Variants in RELN observed in about 807,000 individuals in gnomAD.
The protein encoded by RELN is reelin.
A neutral mutation model predicts 427.6 loss-of-function variants in RELN; 108 were observed. The observed-to-expected ratio is 0.25, with a 90% CI of 0.22 to 0.30. The LOEUF (loss-of-function observed/expected upper bound fraction) is 0.30, where lower values mean the gene tolerates loss of function less well. Among genes scored for constraint, RELN ranks in the 10% least tolerant of loss-of-function variants. RELN has a pLI of 1.00. For synonymous variants in RELN, 1,524 were observed against 1,513.4 expected (o/e 1.01, Z -0.16); for missense variants, 3,715 against 4,302.8 (o/e 0.86, Z 3.82).
In RELN at chr7:103,630,022, T is replaced by C. The variant is rs779204753; in HGVS notation, c.2620A>G (p.Thr874Ala). Residue 874 changes from threonine (T) to alanine (A), a missense_variant, in exon 20 of 65, where the codon ACC becomes GCC. Thr to Ala is a moderately conservative substitution (Grantham distance 58). Around this residue, in one of 4 missense-constraint regions of RELN, gnomAD observed 2,208 missense variants for 2,361.7 expected, o/e 0.93. Transcript: ENST00000428762. The stretch of plus-strand genomic sequence containing the variant: ...GACTGAGTGACCTCCACAAGATTGG[T>C]AAAGTCAAGACTAATGCTGTTGAAA... ...VLFNSISLDF[T>A]NLVEVTQSLG... is the part of the protein sequence containing the mutation. 1.9e-6 allele frequency: 3 copies of C among 1,613,882 alleles called. No homozygotes were observed. The highest frequency in any genetic ancestry group is 1.6e-4 in the Middle Eastern group (1 of 6,062).
intron 8 of RELN, among the ~76,000 whole-genome samples, chr7:103,707,749 A>G (rs73410860): frequency 0.26 from 39,843 of 151,976 alleles, 7,490 homozygotes; most frequent in African/African-American, 0.53. Flanking sequence ...CACCCACCTC[A>G]GCCTCCCAAA....
chr7:103,917,754 T>C (rs1795518903), intron 1 of RELN, among the ~76,000 whole-genome samples: 2 of 152,120 alleles, frequency 1.3e-5, no homozygotes, highest in Non-Finnish European at 2.9e-5. Flanking sequence ...GATCACTGCA[T>C]GCTTTAAGTT....
chr7:103,589,408 G>A (rs1584322383), intron 28 of RELN, among the ~76,000 whole-genome samples, 188 bp downstream of exon 28: 1 of 152,156 alleles, frequency 6.6e-6, no homozygotes, highest in East Asian at 1.9e-4. Flanking sequence ...CCTATGAAGT[G>A]TTCTGTCATG....
intron 36 of RELN, among the ~76,000 whole-genome samples, chr7:103,558,305 A>T (rs777725630): frequency 3.3e-5 from 5 of 152,162 alleles, no homozygotes; most frequent in Non-Finnish European, 2.9e-5. Context: ...TCTTCTAAAA[A>T]GCGGTGCAAA....
At chr7:103,913,267 G>A (rs1215942272) in intron 2 of RELN, among the ~76,000 whole-genome samples, 2 of 152,128 alleles carry the variant, frequency 1.3e-5, no homozygotes, top group Non-Finnish European at 2.9e-5. Context: ...TAACTTTAGT[G>A]TAATTAGTAC....
At chr7:103,946,345 C>A (rs113341798) in intron 1 of RELN, among the ~76,000 whole-genome samples, 3 of 152,018 alleles carry the variant, frequency 2.0e-5, no homozygotes, top group Non-Finnish European at 2.9e-5. Context: ...AACAGATAAA[C>A]CTTTAATTTT....
At chr7:103,837,475 A>C (rs770327017) in intron 2 of RELN, among the ~76,000 whole-genome samples, 1 of 152,208 alleles carries the variant, frequency 6.6e-6, no homozygotes, top group Non-Finnish European at 1.5e-5. Context: ...CTTTCAATAC[A>C]GCAGGCCCCA....
intron 3 of RELN, among the ~76,000 whole-genome samples, chr7:103,825,189 TAAGG>T (rs2116383506): frequency 6.6e-6 from 1 of 152,196 alleles, no homozygotes; most frequent in East Asian, 1.9e-4. Flanking sequence ...TTTTCATGCG[TAAGG>T]GCACATTTGA....
chr7:103,873,153 C>A (rs1006490753), intron 2 of RELN, among the ~76,000 whole-genome samples: 1 of 150,312 alleles, frequency 6.7e-6, no homozygotes, highest in Non-Finnish European at 1.5e-5. Flanking sequence ...TTCTTTGAAA[C>A]CAACGAGAAC....
At chr7:103,752,891 G>C (rs1476821836) in intron 5 of RELN, among the ~76,000 whole-genome samples, 1 of 152,024 alleles carries the variant, frequency 6.6e-6, no homozygotes, top group African/African-American at 2.4e-5. Context: ...GAGGGACTCT[G>C]GGGAAAATTA....
At chr7:103,765,670 G>A (rs1316900532) in intron 4 of RELN, among the ~76,000 whole-genome samples, 1 of 152,156 alleles carries the variant, frequency 6.6e-6, no homozygotes, top group African/African-American at 2.4e-5. Context: ...CCAAGTGATT[G>A]TATAGATCCA....
At position 103,854,402 on chromosome 7, in the gene RELN, C is replaced by A. The variant is rs184096500; in HGVS notation, c.338-20730G>T. Among the ~76,000 whole-genome samples, 208 of 152,284 alleles carry A rather than the reference C, an allele frequency of 1.4e-3. 1 individual carries two copies. The highest frequency in any genetic ancestry group is 4.9e-3 in the African/African-American group (205 of 41,570). ...GATCAAATGTAGGCTGCTAATCTAGCTGTCATCTCTTTGCTGGTAGTCTTT... is the reference window on the plus strand; with the variant it reads ...GATCAAATGTAGGCTGCTAATCTAGATGTCATCTCTTTGCTGGTAGTCTTT... On this transcript the variant is annotated intron_variant, in intron 2 of 64. Coordinates refer to ENST00000428762, the MANE Select transcript of RELN (RefSeq NM_005045.4).
At chr7:103,776,851 C>G (rs896501306) in intron 3 of RELN, among the ~76,000 whole-genome samples, 4 of 152,160 alleles carry the variant, frequency 2.6e-5, no homozygotes, top group Admixed American at 2.6e-4. Flanking sequence ...GACACTGTAA[C>G]AGTTGTGAGC....
chr7:103,802,971 G>A (rs547366647), intron 3 of RELN, among the ~76,000 whole-genome samples: 5 of 152,130 alleles, frequency 3.3e-5, no homozygotes, highest in African/African-American at 7.2e-5. Flanking sequence ...ATATAACACC[G>A]TAATATTATT....
rs555824526 is a variant in RELN at position 103,869,555 on chromosome 7, T to C, written c.338-35883A>G. On this transcript the variant is annotated intron_variant, in intron 2 of 64. Coordinates refer to ENST00000428762, the MANE Select transcript of RELN (RefSeq NM_005045.4). ...CATATAGTGTTCTGGGCTTACAGTT[T>C]TATTTTTCTTTAGCAATTTAATAGT... 4.6e-5 allele frequency among the ~76,000 whole-genome samples: 7 copies of C among 152,220 alleles called. No individual in the cohort carries two copies. The South Asian group carries it at 1.5e-3, about 32-fold the overall frequency.
intron 11 of RELN, among the ~76,000 whole-genome samples, chr7:103,671,065 A>T (rs1004778322): frequency 1.3e-5 from 2 of 152,024 alleles, no homozygotes; most frequent in African/African-American, 4.8e-5. Flanking sequence ...TATATTTGGG[A>T]TGGATGCTCT....
At chr7:103,500,268 T>G (rs1304215828) in intron 53 of RELN, among the ~76,000 whole-genome samples, 2 of 152,186 alleles carry the variant, frequency 1.3e-5, no homozygotes, top group African/African-American at 4.8e-5. Flanking sequence ...ACAACCCCAT[T>G]TCAGCAGTCA....
chr7:103,861,325 C>T (rs191252343), intron 2 of RELN, among the ~76,000 whole-genome samples: 16 of 152,032 alleles, frequency 1.1e-4, no homozygotes, highest in Admixed American at 1.0e-3. Context: ...GGAAAGAATG[C>T]AACATACTAC....
At position 103,616,424 on chromosome 7, in the gene RELN, T is replaced by C. The variant is rs148469768; in HGVS notation, c.2703-4621A>G. ...GAAAAACTTGTTGATGTTGTGGGCT[T>C]AAAGGCAGCATTTTAACTCACTTGT... is the stretch of plus-strand genomic sequence containing the variant. On this transcript the variant is annotated intron_variant, in intron 20 of 64. Coordinates refer to ENST00000428762, the MANE Select transcript of RELN (RefSeq NM_005045.4). Among the ~76,000 whole-genome samples the C allele has an allele frequency of 3.3e-3, 496 of 152,254 alleles. 7 individuals carry two copies. Among genetic ancestry groups the C allele is most frequent in the African/African-American group, 0.011 (474 of 41,564 alleles).
Sources: gnomAD v4.1 joint callset for allele counts (sites outside exome capture counted in the v4.1 genomes callset) on GRCh38, gnomAD v4.1.1 for gene constraint, gnomAD v4.1.1 regional missense constraint, MANE v1.5 for transcripts, NCBI Gene and HGNC (gene_info 2026-07-23, HGNC 2026-07-21) for gene names.